The following SPAG16 variants were observed in gnomAD, a reference collection of about 807,000 sequenced individuals.
SPAG16 encodes sperm associated antigen 16.
A neutral mutation model predicts 80.4 loss-of-function variants in SPAG16; 86 were observed. That is an observed-to-expected ratio of 1.07 (90% CI 0.90 to 1.28). The LOEUF (loss-of-function observed/expected upper bound fraction) is 1.28, where lower values mean the gene tolerates loss of function less well. Ranked by LOEUF, SPAG16 falls within the 50% of genes most tolerant of loss-of-function variation. SPAG16 has a pLI of 0.00. For missense variants in SPAG16, 870 were observed against 765.3 expected, an observed-to-expected ratio of 1.14 and a Z score of -1.61; for synonymous variants, 294 against 265.9, an observed-to-expected ratio of 1.11 and a Z score of -1.03.
At chr2:214,101,192 A>G (rs1049749218) in intron 13 of SPAG16, among the ~76,000 whole-genome samples, 2 of 152,014 alleles carry the variant, frequency 1.3e-5, no homozygotes, top group African/African-American at 4.8e-5. Context: ...CACTAAAAAG[A>G]CTTTTACTAT....
rs543139945 is a variant in SPAG16 at position 213,601,114 on chromosome 2, C to T, written c.1070+111024C>T. ...ATGGCCTGGGACAAAGTCTGTTGGG[C>T]CTGCAGAAGAGGCAATGGTTTTGAA... is the stretch of plus-strand genomic sequence containing the variant. On this transcript the variant is annotated intron_variant, in intron 10 of 15. Transcript: ENST00000331683. Among the ~76,000 whole-genome samples, 7 of 152,190 alleles carry T rather than the reference C, an allele frequency of 4.6e-5. No individual in the cohort carries two copies. In the East Asian group the frequency reaches 1.2e-3, roughly 25 times the overall value.
intron 15 of SPAG16, among the ~76,000 whole-genome samples, chr2:214,341,391 T>C (rs1184433757): frequency 6.6e-6 from 1 of 152,182 alleles, no homozygotes; most frequent in Non-Finnish European, 1.5e-5. Context: ...CCCAAGCCTT[T>C]AGATTCAAAG....
intron 13 of SPAG16, among the ~76,000 whole-genome samples, chr2:214,094,777 T>C (rs2125331676): frequency 6.6e-6 from 1 of 152,244 alleles, no homozygotes; most frequent in East Asian, 1.9e-4. Flanking sequence ...CCCAACAATG[T>C]ATATTTGGTA....
intron 10 of SPAG16, among the ~76,000 whole-genome samples, chr2:213,540,375 T>C (rs1454574210): frequency 1.3e-5 from 2 of 152,150 alleles, no homozygotes; most frequent in East Asian, 3.8e-4. Flanking sequence ...TATTTCTAAC[T>C]GAATCTTTAT....
intron 15 of SPAG16, among the ~76,000 whole-genome samples, chr2:214,260,701 T>G (rs998431667): frequency 6.6e-6 from 1 of 152,168 alleles, no homozygotes; most frequent in African/African-American, 2.4e-5. Context: ...TGTTTCTAAT[T>G]TCTTGATGCT....
chr2:213,430,207 G>A (rs541966992), intron 9 of SPAG16, among the ~76,000 whole-genome samples: 1 of 152,110 alleles, frequency 6.6e-6, no homozygotes, highest in Non-Finnish European at 1.5e-5. Context: ...AAAATACAAT[G>A]GAAAGTTTCA....
intron 14 of SPAG16, among the ~76,000 whole-genome samples, chr2:214,114,334 G>C (rs1257093143): frequency 1.3e-5 from 2 of 152,240 alleles, no homozygotes; most frequent in Non-Finnish European, 2.9e-5. Flanking sequence ...CTCAAATGCT[G>C]TGCTGGGACA....
intron 14 of SPAG16, among the ~76,000 whole-genome samples, chr2:214,139,233 C>A (rs112521854): frequency 6.6e-6 from 1 of 152,026 alleles, no homozygotes; most frequent in Non-Finnish European, 1.5e-5. Context: ...TCTGGAAATG[C>A]CATTTTGCTG....
chr2:213,907,967 C>G (rs2077499711), intron 11 of SPAG16, among the ~76,000 whole-genome samples: 1 of 152,100 alleles, frequency 6.6e-6, no homozygotes, highest in African/African-American at 2.4e-5. Flanking sequence ...ATATAATTAA[C>G]AATAATTTGC....
At chr2:214,231,126 A>C (rs779195141) in intron 15 of SPAG16, among the ~76,000 whole-genome samples, 1 of 151,998 alleles carries the variant, frequency 6.6e-6, no homozygotes, top group Non-Finnish European at 1.5e-5. Context: ...TGGAATAACC[A>C]ACCATGTCCC....
intron 10 of SPAG16, among the ~76,000 whole-genome samples, chr2:213,752,770 G>C (rs993551712): frequency 6.6e-6 from 1 of 152,104 alleles, no homozygotes; most frequent in Non-Finnish European, 1.5e-5. Context: ...ATGCTTTTCC[G>C]GTGTGGTGGG....
intron 10 of SPAG16, among the ~76,000 whole-genome samples, chr2:213,612,362 T>C (rs963642890): frequency 6.6e-6 from 1 of 152,220 alleles, no homozygotes; most frequent in African/African-American, 2.4e-5. Flanking sequence ...AATTTTTCTT[T>C]TTTCTCTCTC....
chr2:213,566,617 G>A (rs1272727716), intron 10 of SPAG16, among the ~76,000 whole-genome samples: 2 of 152,138 alleles, frequency 1.3e-5, no homozygotes, highest in African/African-American at 2.4e-5. Flanking sequence ...TAAGCTCACT[G>A]TGCAACATCT....
intron 13 of SPAG16, among the ~76,000 whole-genome samples, chr2:214,080,374 G>A (rs899117108): frequency 5.9e-5 from 9 of 151,634 alleles, no homozygotes; most frequent in Non-Finnish European, 8.8e-5. Context: ...CGAGGCAGGC[G>A]GATCACAAGG....
intron 10 of SPAG16, among the ~76,000 whole-genome samples, chr2:213,718,914 G>A (rs1239363610): frequency 6.6e-6 from 1 of 152,228 alleles, no homozygotes; most frequent in African/African-American, 2.4e-5. Flanking sequence ...TCCACCTGCA[G>A]CCCTGGTGCG....
At chr2:213,374,479 C>T (rs1311828878) in intron 8 of SPAG16, among the ~76,000 whole-genome samples, 1 of 152,030 alleles carries the variant, frequency 6.6e-6, no homozygotes, top group Non-Finnish European at 1.5e-5. Flanking sequence ...GTCAATTCCC[C>T]ACTCTCAAAT....
At chr2:213,890,115 T>G (rs1296151615) in intron 11 of SPAG16, among the ~76,000 whole-genome samples, 1 of 152,086 alleles carries the variant, frequency 6.6e-6, no homozygotes, top group African/African-American at 2.4e-5. Flanking sequence ...TAATTTAGTG[T>G]CCTTTAAGTG....
At chr2:214,191,008 A>G (rs1229975463) in intron 15 of SPAG16, among the ~76,000 whole-genome samples, 1 of 152,138 alleles carries the variant, frequency 6.6e-6, no homozygotes, top group Non-Finnish European at 1.5e-5. Flanking sequence ...AAATGGTAAA[A>G]AGCCAGTCCT....
intron 3 of SPAG16, chr2:213,302,651 G>GTGTGTGTA (rs2062791283): frequency 6.6e-6 from 1 of 151,094 alleles, no homozygotes; most frequent in Admixed American, 6.6e-5. Flanking sequence ...GTGTGTGTGT[G>GTGTGTGTA]TGTGTGTGTT....
Sources: allele counts gnomAD v4.1 joint callset (sites outside exome capture counted in the v4.1 genomes callset), GRCh38; gene constraint gnomAD v4.1.1; transcripts MANE v1.5; gene names NCBI Gene and HGNC (gene_info 2026-07-23, HGNC 2026-07-21).